TEAD4: variants seen among roughly 807,000 people sequenced by gnomAD.
The protein encoded by TEAD4 is transcriptional enhancer factor TEF-3.
TEAD4 carries 36 observed loss-of-function variants against 52.4 expected under a neutral mutation model. The observed-to-expected ratio is 0.69, with a 90% CI of 0.53 to 0.91. The LOEUF is 0.91. Ranked by LOEUF, TEAD4 falls within the 40% of genes least tolerant of loss-of-function variation. TEAD4 has a pLI of 0.00. For missense variants in TEAD4, 508 were observed against 583.9 expected (o/e 0.87, Z 1.34); for synonymous variants, 220 against 231.0 (o/e 0.95, Z 0.43).
rs3782842 is a variant in TEAD4 at position 3,004,780 on chromosome 12, G to A, written c.227-6224G>A. 6.2e-4 allele frequency among the ~76,000 whole-genome samples: 95 copies of A among 152,342 alleles called. 2 individuals are homozygous for A. In the East Asian group the frequency reaches 0.013, roughly 22 times the overall value. On this transcript the variant is annotated intron_variant, in intron 3 of 12. Coordinates refer to ENST00000359864, the MANE Select transcript of TEAD4 (RefSeq NM_003213.4). ...ATCAAGATTTTCACAGGAGTGACAG[G>A]CCACGGCAGCTCCCTCTGTGTGTAA... is the stretch of plus-strand genomic sequence containing the variant.
intron 4 of TEAD4, 58 bp from the exon 5 acceptor site, chr12:3,012,112 G>T: frequency 1.3e-6 from 2 of 1,589,544 alleles, no homozygotes; most frequent in African/African-American, 1.3e-5. Flanking sequence ...CAGGAAGCCA[G>T]GCTGGGGAAC....
At chr12:3,022,130 AC>A in intron 10 of TEAD4, 113 bp downstream of exon 10, 2 of 1,385,310 alleles carry the variant, frequency 1.4e-6, no homozygotes, top group Non-Finnish European at 2.0e-6. Context: ...GGGAGGTGGC[AC>A]CAGTGAGAAG....
intron 3 of TEAD4, among the ~76,000 whole-genome samples, chr12:3,006,652 C>T (rs1291577469): frequency 5.3e-5 from 8 of 151,156 alleles, no homozygotes; most frequent in Non-Finnish European, 4.4e-5. Context: ...CCATTTCACT[C>T]CAGCCTAGGC....
chr12:2,975,049 TG>T (rs2098228372), intron 2 of TEAD4, among the ~76,000 whole-genome samples: 1 of 152,158 alleles, frequency 6.6e-6, no homozygotes, highest in African/African-American at 2.4e-5. Context: ...TTTTGCTTTT[TG>T]CTTTATTTCA....
At position 3,021,944 on chromosome 12, in the gene TEAD4, C is replaced by G; in HGVS notation, c.824C>G (p.Pro275Arg). 2.5e-6 allele frequency: 4 copies of G among 1,614,238 alleles called. No homozygotes were observed. The highest frequency in any genetic ancestry group is 3.4e-6 in the Non-Finnish European group (4 of 1,180,044). ...ATCCGCCAAATCTATGACAAATTCC[C>G]GGAGAAAAAGGGTGGACTCAAGGAT... Residue 275 changes from proline to arginine, a missense_variant, in exon 10 of 13, where the codon CCG (proline) becomes CGG (arginine). Physicochemically the swap from Pro to Arg is moderately radical, Grantham distance 103 (BLOSUM62 -2). Transcript: ENST00000359864.
intron 2 of TEAD4, among the ~76,000 whole-genome samples, chr12:2,970,404 G>A (rs1248404045): frequency 2.6e-5 from 4 of 152,174 alleles, no homozygotes; most frequent in South Asian, 2.1e-4. Flanking sequence ...AACCTCATAC[G>A]GTGTATGTGA....
chr12:2,998,076 T>A (rs1319484970), intron 3 of TEAD4, among the ~76,000 whole-genome samples: 1 of 152,166 alleles, frequency 6.6e-6, no homozygotes, highest in African/African-American at 2.4e-5. Context: ...AGTTACCTCA[T>A]GTAAGTGGAA....
At position 3,011,859 on chromosome 12, in the gene TEAD4, T is replaced by A. The variant is rs1384199738; in HGVS notation, c.292-311T>A. On this transcript the variant is annotated intron_variant, in intron 4 of 12. Transcript: ENST00000359864. ...TTTTGTATTTTTAGTAGAAATGGAGTTTCACTGTGTTGGCCAGGCTGGTCT... is the reference window on the plus strand; with the variant it reads ...TTTTGTATTTTTAGTAGAAATGGAGATTCACTGTGTTGGCCAGGCTGGTCT... Among the ~76,000 whole-genome samples the A allele has an allele frequency of 4.0e-5, 6 of 151,812 alleles. 1 individual carries two copies. The highest frequency in any genetic ancestry group is 2.9e-5 in the Non-Finnish European group (2 of 67,974).
At chr12:3,007,206 G>T (rs975808142) in intron 3 of TEAD4, among the ~76,000 whole-genome samples, 1 of 152,188 alleles carries the variant, frequency 6.6e-6, no homozygotes, top group East Asian at 1.9e-4. Context: ...CCTTGCAGAG[G>T]CTGAGTCCTC....
At chr12:2,984,357 C>T (rs1337615681) in intron 2 of TEAD4, among the ~76,000 whole-genome samples, 1 of 152,022 alleles carries the variant, frequency 6.6e-6, no homozygotes, top group African/African-American at 2.4e-5. Flanking sequence ...GATTATGGAG[C>T]CTGAATGGGG....
At chr12:2,987,822 T>C (rs772025404) in intron 2 of TEAD4, among the ~76,000 whole-genome samples, 1 of 151,608 alleles carries the variant, frequency 6.6e-6, no homozygotes, top group Non-Finnish European at 1.5e-5. Flanking sequence ...TCCCAGCACT[T>C]TGGGAGGCTG....
At chr12:2,985,255 G>C (rs2098237183) in intron 2 of TEAD4, among the ~76,000 whole-genome samples, 1 of 151,818 alleles carries the variant, frequency 6.6e-6, no homozygotes, top group South Asian at 2.1e-4. Flanking sequence ...CGTGGTGGCA[G>C]GCACCTGTAG....
intron 2 of TEAD4, among the ~76,000 whole-genome samples, chr12:2,978,459 C>G (rs1253580300): frequency 6.6e-6 from 1 of 151,504 alleles, no homozygotes; most frequent in African/African-American, 2.4e-5. Context: ...ATTGCCCAGG[C>G]TGGAGTGCAG....
chr12:2,989,710 G>T (rs552317983), intron 2 of TEAD4, among the ~76,000 whole-genome samples: 2 of 152,194 alleles, frequency 1.3e-5, no homozygotes, highest in African/African-American at 4.8e-5. Context: ...AAAGTGCTGG[G>T]ATTACAGGCA....
At position 2,984,394 on chromosome 12, in the gene TEAD4, C is replaced by T. The variant is rs117476031; in HGVS notation, c.-29-10344C>T. On this transcript the variant is annotated intron_variant, in intron 2 of 12. Coordinates refer to ENST00000359864, the MANE Select transcript of TEAD4 (RefSeq NM_003213.4). ...TGCACCAGGTCATCCAGATGTGCAT[C>T]GCTGGAAGCTTGGATTAGGGCTGTG... Among the ~76,000 whole-genome samples, 70 of 152,192 alleles carry T rather than the reference C, an allele frequency of 4.6e-4. 2 individuals are homozygous for T. The East Asian group carries it at 0.012, about 26-fold the overall frequency.
Position 2,987,773 on chromosome 12 carries a change from C to T in TEAD4, c.-29-6965C>T, listed in dbSNP as rs1169215896. ...AAAACTGTGTGGAATTTTTTAAAAT[C>T]ACAATTTCAGGGCCGGGCACGGTGG... On this transcript the variant is annotated intron_variant, in intron 2 of 12. Transcript: ENST00000359864. Among the ~76,000 whole-genome samples the T allele has an allele frequency of 2.7e-5, 4 of 150,754 alleles. No individual in the cohort carries two copies. The East Asian group carries it at 6.0e-4, about 23-fold the overall frequency.
At chr12:3,010,568 C>T (rs2153956559) in intron 3 of TEAD4, among the ~76,000 whole-genome samples, 1 of 152,362 alleles carries the variant, frequency 6.6e-6, no homozygotes, top group East Asian at 1.9e-4. Context: ...TACTCGTTTA[C>T]AGAGGCGGAG....
At chr12:3,019,252 C>T (rs953120763) in intron 8 of TEAD4, 82 bp downstream of exon 8, 1 of 1,475,048 alleles carries the variant, frequency 6.8e-7, no homozygotes, top group African/African-American at 1.4e-5. Flanking sequence ...CAGCCGAACG[C>T]CTGCGTGTCC....
chr12:2,964,415 C>T (rs2098218511), intron 2 of TEAD4, among the ~76,000 whole-genome samples: 1 of 151,796 alleles, frequency 6.6e-6, no homozygotes, highest in South Asian at 2.1e-4. Context: ...GACAGGGAGT[C>T]CCCAGGCTGG....
Sources: allele counts gnomAD v4.1 joint callset (sites outside exome capture counted in the v4.1 genomes callset), GRCh38; gene constraint gnomAD v4.1.1; transcripts MANE v1.5; gene names NCBI Gene and HGNC (gene_info 2026-07-23, HGNC 2026-07-21).